Variants in ARHGEF3 observed in about 807,000 individuals in gnomAD.
ARHGEF3 encodes the protein 59.8 kDA protein.
In ARHGEF3, 28 loss-of-function variants were observed where a neutral mutation model predicts 63.2. The observed-to-expected ratio is 0.44, with a 90% confidence interval of 0.33 to 0.61. The LOEUF is 0.61. Among genes scored for constraint, ARHGEF3 ranks in the 20% least tolerant of loss-of-function variants. The probability of loss-of-function intolerance (pLI) is 0.03; values close to 1 mark genes in which losing one functional copy is unlikely to be tolerated. For missense variants in ARHGEF3, 533 were observed against 659.3 expected (o/e 0.81, Z 2.10); for synonymous variants, 266 against 254.2 (o/e 1.05, Z -0.44).
chr3:56,732,027 T>C (rs1252546916), intron 9 of ARHGEF3: 2 of 619,010 alleles, frequency 3.2e-6, no homozygotes. Flanking sequence ...AACAATCTTA[T>C]GAAGGAGGTA....
intron 2 of ARHGEF3, among the ~76,000 whole-genome samples, chr3:56,756,194 T>G (rs1447096798): frequency 6.6e-6 from 1 of 152,212 alleles, no homozygotes; most frequent in African/African-American, 2.4e-5. Flanking sequence ...GTGCATCATT[T>G]TCAGTCTTCA....
chr3:56,967,970 T>C (rs1578981420), intron 2 of ARHGEF3, among the ~76,000 whole-genome samples: 2 of 69,030 alleles, frequency 2.9e-5, no homozygotes, highest in South Asian at 9.2e-4. Flanking sequence ...AAATATATTT[T>C]ATATTATAGT....
At chr3:56,970,873 T>C (rs920385937) in intron 2 of ARHGEF3, among the ~76,000 whole-genome samples, 1 of 152,206 alleles carries the variant, frequency 6.6e-6, no homozygotes, top group African/African-American at 2.4e-5. Context: ...GCTGGACAAG[T>C]GACTTAATAT....
intron 3 of ARHGEF3, among the ~76,000 whole-genome samples, chr3:56,914,293 G>A (rs1394362384): frequency 6.6e-6 from 1 of 152,072 alleles, no homozygotes; most frequent in Non-Finnish European, 1.5e-5. Flanking sequence ...TTGAAAGCAG[G>A]GTCTTAAGAG....
intron 3 of ARHGEF3, among the ~76,000 whole-genome samples, chr3:56,896,591 T>C (rs2108296615): frequency 6.6e-6 from 1 of 152,358 alleles, no homozygotes. Context: ...CACGTGTTCT[T>C]GAGTCTCCTT....
At chr3:56,994,095 A>AGAT (rs1701883064) in intron 2 of ARHGEF3, among the ~76,000 whole-genome samples, 2 of 149,820 alleles carry the variant, frequency 1.3e-5, no homozygotes, top group Admixed American at 1.3e-4. Flanking sequence ...AGCACACTGT[A>AGAT]GATTATAACA....
chr3:56,882,393 AG>A (rs1462489396), intron 3 of ARHGEF3: 1 of 1,532,442 alleles, frequency 6.5e-7, no homozygotes, highest in Non-Finnish European at 8.9e-7. Flanking sequence ...AAAGGTAAGT[AG>A]GGGTTATGGC....
chr3:57,052,934 A>C (rs774792214), intron 1 of ARHGEF3, among the ~76,000 whole-genome samples: 32 of 152,136 alleles, frequency 2.1e-4, no homozygotes, highest in Admixed American at 9.8e-4. Context: ...CCAGGCCATC[A>C]AGAGAAACAG....
chr3:56,829,774 G>A (rs1183060721), intron 4 of ARHGEF3, among the ~76,000 whole-genome samples: 2 of 152,176 alleles, frequency 1.3e-5, no homozygotes, highest in Non-Finnish European at 2.9e-5. Context: ...GGTATTTCAG[G>A]GGTCAGGGAG....
At chr3:56,923,912 TAAC>T (rs1469466175) in intron 3 of ARHGEF3, among the ~76,000 whole-genome samples, 1 of 152,178 alleles carries the variant, frequency 6.6e-6, no homozygotes, top group African/African-American at 2.4e-5. Flanking sequence ...TCACCCAAGG[TAAC>T]TGGTCCTGGT....
intron 1 of ARHGEF3, chr3:56,775,697 G>A (rs2036249927): frequency 1.0e-6 from 1 of 985,608 alleles, no homozygotes; most frequent in Non-Finnish European, 1.2e-6. Context: ...CCTGTCCAGT[G>A]CCAGGCTCTT....
intron 7 of ARHGEF3, among the ~76,000 whole-genome samples, chr3:56,742,800 TTTGA>T (rs1202077537): frequency 6.6e-6 from 1 of 152,260 alleles, no homozygotes; most frequent in African/African-American, 2.4e-5. Flanking sequence ...AGAGTGAACT[TTTGA>T]AAACAGCTTC....
rs560784466 is a variant in ARHGEF3 at position 57,030,195 on chromosome 3, A to G, written c.62+4893T>C. The stretch of plus-strand genomic sequence containing the variant: ...TACAAATCACTCTGTCTTCTAGCCA[A>G]TTCAGTCCACCAGAGCCACACACGG... On this transcript the variant is annotated intron_variant, in intron 2 of 12. Transcript: ENST00000338458. Among the ~76,000 whole-genome samples, 9 of 152,298 alleles carry G rather than the reference A, an allele frequency of 5.9e-5. No individual in the cohort carries two copies. The South Asian group carries it at 6.2e-4, about 11-fold the overall frequency.
chr3:56,914,526 T>A (rs1022146024), intron 3 of ARHGEF3, among the ~76,000 whole-genome samples: 2 of 152,190 alleles, frequency 1.3e-5, no homozygotes, highest in Non-Finnish European at 2.9e-5. Context: ...CTATTAGAGG[T>A]AATAATGAAA....
intron 1 of ARHGEF3, among the ~76,000 whole-genome samples, chr3:57,035,485 T>TTTAC (rs1464442813): frequency 2.0e-5 from 3 of 152,006 alleles, no homozygotes; most frequent in Non-Finnish European, 4.4e-5. Flanking sequence ...AGTAGCTGAG[T>TTTAC]TTACAGGCAC....
At chr3:56,746,099 G>A (rs775387387) in intron 6 of ARHGEF3, among the ~76,000 whole-genome samples, 11 of 152,146 alleles carry the variant, frequency 7.2e-5, no homozygotes, top group Non-Finnish European at 1.6e-4. Flanking sequence ...GAGATTCAAC[G>A]GAAAAGGCTT....
intron 1 of ARHGEF3, chr3:57,035,211 T>C: frequency 8.3e-7 from 1 of 1,205,458 alleles, no homozygotes; most frequent in Admixed American, 2.8e-5. Context: ...ACATTTATCA[T>C]CTAGGTACAT....
rs66778716 is a variant in ARHGEF3 at position 56,995,620 on chromosome 3, C to CGAGAGAGAGAGAGAGAGAGA, written c.63-36751_63-36732dup. Among the ~76,000 whole-genome samples, 52 of 113,224 alleles carry CGAGAGAGAGAGAGAGAGAGA rather than the reference C, an allele frequency of 4.6e-4. 1 individual carries two copies. Among genetic ancestry groups the CGAGAGAGAGAGAGAGAGAGA allele is most frequent in the South Asian group, 1.2e-3 (4 of 3,316 alleles). The allele number at this position is 113,224 out of a possible 152,430, so 74.3% of individuals were successfully genotyped here. A position where few individuals can be genotyped will look rare whatever the true frequency, so the allele number is the denominator to read the frequency against. ...AGGGGGCAAAAGAGAGTAAATTTTC[C>CGAGAGAGAGAGAGAGAGAGA]GAGAGAGAGAGAGAGAGAGAGAGAG... On this transcript the variant is annotated intron_variant, in intron 2 of 12. Coordinates refer to the ARHGEF3 transcript ENST00000338458.
At chr3:56,851,003 G>A (rs919524015) in intron 4 of ARHGEF3, among the ~76,000 whole-genome samples, 3 of 152,110 alleles carry the variant, frequency 2.0e-5, no homozygotes, top group Admixed American at 6.5e-5. Context: ...TGAATCCCAG[G>A]CGGTCAGGCT....
Sources: gnomAD v4.1 joint callset for allele counts (sites outside exome capture counted in the v4.1 genomes callset) on GRCh38, gnomAD v4.1.1 for gene constraint, MANE v1.5 for transcripts, NCBI Gene and HGNC (gene_info 2026-07-23, HGNC 2026-07-21) for gene names.